Variants in GNG12 observed in about 807,000 individuals in gnomAD.
GNG12 encodes the protein G protein subunit gamma 12.
For missense variants in GNG12, 69 were observed against 83.8 expected (o/e 0.82, Z 0.69); for synonymous variants, 28 against 29.7 (o/e 0.94, Z 0.19).
chr1:67,717,092 A>G (rs1646329684), intron 2 of GNG12, among the ~76,000 whole-genome samples: 1 of 152,192 alleles, frequency 6.6e-6, no homozygotes, highest in African/African-American at 2.4e-5. Context: ...ACAGATCTGT[A>G]TTCAAAGGCC....
At chr1:67,797,463 TCAAAGTCAGG>T (rs1646838490) in intron 1 of GNG12, among the ~76,000 whole-genome samples, 3 of 152,262 alleles carry the variant, frequency 2.0e-5, no homozygotes, top group African/African-American at 7.2e-5. Flanking sequence ...ACACTGAGAT[TCAAAGTCAGG>T]CAGCACAAAA....
chr1:67,745,005 A>G (rs1356532883), intron 2 of GNG12, among the ~76,000 whole-genome samples: 1 of 152,190 alleles, frequency 6.6e-6, no homozygotes, highest in South Asian at 2.1e-4. Context: ...ACCTCTTTCT[A>G]TATCTGTAAG....
intron 2 of GNG12, among the ~76,000 whole-genome samples, chr1:67,756,016 C>T (rs1466141472): frequency 6.6e-6 from 1 of 152,138 alleles, no homozygotes; most frequent in Admixed American, 6.5e-5. Flanking sequence ...TGGATGTGTG[C>T]TGAATGCCCA....
chr1:67,824,928 G>C (rs1456387908), intron 1 of GNG12, among the ~76,000 whole-genome samples: 2 of 150,470 alleles, frequency 1.3e-5, no homozygotes, highest in East Asian at 3.9e-4. Context: ...TACAGCCATA[G>C]GAAGTCAGAG....
intron 2 of GNG12, among the ~76,000 whole-genome samples, chr1:67,734,665 C>A (rs1646441838): frequency 6.6e-6 from 1 of 152,058 alleles, no homozygotes; most frequent in African/African-American, 2.4e-5. Flanking sequence ...CTTGCTCTGT[C>A]ACCCAGGCTG....
At chr1:67,758,444 C>A (rs984755848) in intron 2 of GNG12, among the ~76,000 whole-genome samples, 7 of 152,214 alleles carry the variant, frequency 4.6e-5, no homozygotes, top group African/African-American at 1.7e-4. Flanking sequence ...GTAGCAGCGG[C>A]CAGCTCGCTA....
intron 2 of GNG12, among the ~76,000 whole-genome samples, chr1:67,723,970 G>A (rs181889818): frequency 6.6e-6 from 1 of 152,220 alleles, no homozygotes; most frequent in South Asian, 2.1e-4. Context: ...CAGCTTGAAG[G>A]GAATGGAGGT....
rs968956579 is a variant in GNG12 at position 67,707,723 on chromosome 1, T to C, written c.-26-11A>G. Reference sequence around the variant, plus strand: ...GTTTTTACCTGAAATCTGAGGAGAATTTTTTTTAAAGACAAGTAACAGGCA... The same window carrying C: ...GTTTTTACCTGAAATCTGAGGAGAACTTTTTTTAAAGACAAGTAACAGGCA... On this transcript the variant is annotated splice_polypyrimidine_tract_variant and intron_variant, in intron 2 of 3. Transcript: ENST00000370982. 7.1e-7 allele frequency: 1 copy of C among 1,403,394 alleles called. No individual in the cohort carries two copies. The highest frequency in any genetic ancestry group is 9.8e-7 in the Non-Finnish European group (1 of 1,017,496). 86.9% of individuals were successfully genotyped at this position (1,403,394 alleles called of 1,614,324 possible).
chr1:67,781,944 A>G (rs1646739872), intron 1 of GNG12, among the ~76,000 whole-genome samples: 1 of 152,176 alleles, frequency 6.6e-6, no homozygotes, highest in Admixed American at 6.6e-5. Flanking sequence ...GTCCAATAAT[A>G]GGTACATGTG....
At chr1:67,713,047 CA>C (rs1385901652) in intron 2 of GNG12, among the ~76,000 whole-genome samples, 1 of 152,144 alleles carries the variant, frequency 6.6e-6, no homozygotes, top group Non-Finnish European at 1.5e-5. Context: ...GGTTCTTAAT[CA>C]GGGGTGACTG....
intron 2 of GNG12, among the ~76,000 whole-genome samples, chr1:67,729,697 G>A (rs997542136): frequency 1.3e-5 from 2 of 152,174 alleles, no homozygotes; most frequent in African/African-American, 4.8e-5. Context: ...GAGCCAGCCT[G>A]CTCTGTTGGA....
At chr1:67,768,324 T>G (rs190146894) in intron 2 of GNG12, among the ~76,000 whole-genome samples, 6 of 152,314 alleles carry the variant, frequency 3.9e-5, no homozygotes, top group Admixed American at 3.3e-4. Flanking sequence ...TGAGCCTTAT[T>G]GTTAGTCCCT....
intron 1 of GNG12, among the ~76,000 whole-genome samples, chr1:67,810,907 G>A (rs1007817647): frequency 2.6e-5 from 4 of 152,186 alleles, no homozygotes; most frequent in Non-Finnish European, 5.9e-5. Flanking sequence ...AAATGACACT[G>A]AATTTATTAC....
chr1:67,794,514 A>G (rs1372169500), intron 1 of GNG12, among the ~76,000 whole-genome samples: 4 of 152,188 alleles, frequency 2.6e-5, no homozygotes, highest in South Asian at 2.1e-4. Flanking sequence ...TTAATACAAT[A>G]AAGACGGTGG....
chr1:67,815,184 A>T (rs1646946455), intron 1 of GNG12, among the ~76,000 whole-genome samples: 2 of 152,224 alleles, frequency 1.3e-5, no homozygotes, highest in South Asian at 4.1e-4. Flanking sequence ...TGTATCCAGG[A>T]AATCAAGGCC....
Position 67,776,942 on chromosome 1 carries a change from T to C in GNG12, c.-27+516A>G, listed in dbSNP as rs369643152. ...AGCTTTCTCACTTTTAAAAAGTACATTATTTTCCTAGCTCTTAAGGAAGTT... is the reference window on the plus strand; with the variant it reads ...AGCTTTCTCACTTTTAAAAAGTACACTATTTTCCTAGCTCTTAAGGAAGTT... On this transcript the variant is annotated intron_variant, in intron 2 of 3. Coordinates refer to ENST00000370982, the MANE Select transcript of GNG12 (RefSeq NM_018841.6). Among the ~76,000 whole-genome samples, 4 of 152,332 alleles carry C rather than the reference T, an allele frequency of 2.6e-5. No homozygotes were observed. The East Asian group carries it at 7.7e-4, about 29-fold the overall frequency.
chr1:67,804,815 T>C (rs1283954855), intron 1 of GNG12, among the ~76,000 whole-genome samples: 1 of 151,850 alleles, frequency 6.6e-6, no homozygotes, highest in Non-Finnish European at 1.5e-5. Flanking sequence ...AGTTAAAAAC[T>C]TCAGGGGAAT....
intron 1 of GNG12, among the ~76,000 whole-genome samples, chr1:67,780,535 A>G (rs753964365): frequency 2.6e-5 from 4 of 152,200 alleles, no homozygotes; most frequent in Non-Finnish European, 4.4e-5. Flanking sequence ...GGTACTTGGT[A>G]TATCGTAGAT....
At chr1:67,745,837 G>A (rs1028819323) in intron 2 of GNG12, among the ~76,000 whole-genome samples, 1 of 152,138 alleles carries the variant, frequency 6.6e-6, no homozygotes, top group African/African-American at 2.4e-5. Flanking sequence ...TTTGTTACTT[G>A]TTTCTCCATC....
Sources: allele counts gnomAD v4.1 joint callset (sites outside exome capture counted in the v4.1 genomes callset), GRCh38; gene constraint gnomAD v4.1.1; transcripts MANE v1.5; gene names NCBI Gene and HGNC (gene_info 2026-07-23, HGNC 2026-07-21).